NAALADL2: variants seen among roughly 807,000 people sequenced by gnomAD.
NAALADL2 encodes the protein N-acetylated alpha-linked acidic dipeptidase like 2.
In NAALADL2, 76 loss-of-function variants were observed where a neutral mutation model predicts 87.2. That is an observed-to-expected ratio of 0.87 (90% CI 0.72 to 1.05). The LOEUF is 1.05. NAALADL2 is among the 50% of genes least tolerant of loss of function. NAALADL2 has a pLI of 0.00. For missense variants in NAALADL2, 1,089 were observed against 945.8 expected (o/e 1.15, Z -1.99); for synonymous variants, 354 against 331.0 (o/e 1.07, Z -0.75).
chr3:175,462,564 A>T (rs1054663576), intron 6 of NAALADL2, among the ~76,000 whole-genome samples: 2 of 152,152 alleles, frequency 1.3e-5, no homozygotes, highest in Admixed American at 1.3e-4. Flanking sequence ...CAAATGTGCC[A>T]TGCTCTGCCC....
At chr3:175,618,032 G>A (rs1725586462) in intron 10 of NAALADL2, among the ~76,000 whole-genome samples, 1 of 152,152 alleles carries the variant, frequency 6.6e-6, no homozygotes, top group Non-Finnish European at 1.5e-5. Context: ...CACTATATGA[G>A]ATAAAAAACT....
rs569984217 is a variant in NAALADL2 at position 175,314,313 on chromosome 3, G to A, written c.940-9862G>A. On this transcript the variant is annotated intron_variant, in intron 4 of 13. Coordinates refer to ENST00000454872, the MANE Select transcript of NAALADL2 (RefSeq NM_207015.3). ...TATGGAATCAGCCACCTTGCAGTTG[G>A]CCAAAAATATTTTATTTATAAAAAT... 5.2e-4 allele frequency among the ~76,000 whole-genome samples: 78 copies of A among 151,232 alleles called. 1 individual carries two copies. The highest frequency in any genetic ancestry group is 1.8e-3 in the African/African-American group (74 of 41,290).
intron 5 of NAALADL2, among the ~76,000 whole-genome samples, chr3:175,379,095 G>A (rs1259248616): frequency 6.6e-6 from 1 of 151,988 alleles, no homozygotes; most frequent in Admixed American, 6.6e-5. Flanking sequence ...GATTAAGTGT[G>A]AATTTTGTGG....
intron 10 of NAALADL2, among the ~76,000 whole-genome samples, chr3:175,589,654 C>T (rs975793776): frequency 6.6e-6 from 1 of 151,644 alleles, no homozygotes; most frequent in Non-Finnish European, 1.5e-5. Flanking sequence ...ATTAAGTTTG[C>T]CTGCATTGTT....
At chr3:174,992,463 T>C (rs1223607879) in intron 1 of NAALADL2, among the ~76,000 whole-genome samples, 2 of 152,136 alleles carry the variant, frequency 1.3e-5, no homozygotes, top group African/African-American at 4.8e-5. Flanking sequence ...ATATCTATTA[T>C]TAGGTAAGAT....
intron 2 of NAALADL2, among the ~76,000 whole-genome samples, chr3:174,735,492 T>G (rs73048134): frequency 1.7e-3 from 262 of 152,282 alleles, no homozygotes; most frequent in African/African-American, 6.0e-3. Context: ...CTTCCTTTGT[T>G]TAATCCTTTT....
intron 11 of NAALADL2, among the ~76,000 whole-genome samples, chr3:175,672,431 G>A (rs1394712749): frequency 3.3e-5 from 5 of 152,276 alleles, no homozygotes; most frequent in African/African-American, 4.8e-5. Flanking sequence ...GTGCCGTTAC[G>A]TGAAAATACC....
At chr3:175,095,054 A>G (rs1267928712) in intron 1 of NAALADL2, among the ~76,000 whole-genome samples, 1 of 151,844 alleles carries the variant, frequency 6.6e-6, no homozygotes, top group African/African-American at 2.4e-5. Flanking sequence ...TTTTTGACCA[A>G]TGTCACCTTT....
intron 3 of NAALADL2, among the ~76,000 whole-genome samples, chr3:174,799,820 C>G (rs1485354141): frequency 6.6e-6 from 1 of 152,042 alleles, no homozygotes; most frequent in Non-Finnish European, 1.5e-5. Context: ...TGACCAAAAG[C>G]CTGATAGTGA....
rs1553916905 is a variant in NAALADL2 at position 175,013,301 on chromosome 3, A to ATATATT, written c.44-83488_44-83487insATATTT. Among the ~76,000 whole-genome samples the ATATATT allele has an allele frequency of 5.3e-4, 38 of 72,064 alleles. No individual in the cohort carries two copies. The East Asian group carries it at 6.7e-3, about 13-fold the overall frequency. 47.3% of individuals were successfully genotyped at this position (72,064 alleles called of 152,430 possible). On this transcript the variant is annotated intron_variant, in intron 1 of 13. Transcript: ENST00000454872. ...TACATATATATATATATATATATATATTTTTTTTTTTTTTTGAGACAGGGT... is the reference window on the plus strand; with the variant it reads ...TACATATATATATATATATATATATATATATTTTTTTTTTTTTTTTTGAGACAGGGT...
At chr3:175,108,027 C>A (rs1355401967) in intron 2 of NAALADL2, among the ~76,000 whole-genome samples, 6 of 151,702 alleles carry the variant, frequency 4.0e-5, no homozygotes, top group Admixed American at 6.6e-5. Flanking sequence ...ATTTTATATG[C>A]CTGATTTGGG....
intron 1 of NAALADL2, among the ~76,000 whole-genome samples, chr3:174,543,169 G>A (rs768048035): frequency 2.0e-5 from 3 of 152,272 alleles, no homozygotes; most frequent in African/African-American, 2.4e-5. Context: ...AAACCTAGGC[G>A]ATGGACTGTT....
intron 2 of NAALADL2, among the ~76,000 whole-genome samples, chr3:175,145,182 C>G (rs1252449402): frequency 2.0e-5 from 3 of 152,000 alleles, no homozygotes; most frequent in Non-Finnish European, 2.9e-5. Context: ...CAAAATTTCC[C>G]TAGTGAATAC....
chr3:175,696,475 G>A (rs531084427), intron 11 of NAALADL2, among the ~76,000 whole-genome samples: 1 of 152,128 alleles, frequency 6.6e-6, no homozygotes, highest in African/African-American at 2.4e-5. Flanking sequence ...TGAGATGATT[G>A]ACACTCCACA....
chr3:174,904,382 C>T (rs1732727402), intron 1 of NAALADL2, among the ~76,000 whole-genome samples: 3 of 151,760 alleles, frequency 2.0e-5, no homozygotes, highest in Admixed American at 6.6e-5. Context: ...GTTAAATCAC[C>T]TTTATTTATC....
At position 175,471,399 on chromosome 3, in the gene NAALADL2, C is replaced by T. The variant is rs943170038; in HGVS notation, c.1534-240C>T. Among the ~76,000 whole-genome samples, 4 of 148,726 alleles carry T rather than the reference C, an allele frequency of 2.7e-5. No individual in the cohort carries two copies. In the South Asian group the frequency reaches 8.5e-4, roughly 31 times the overall value. On this transcript the variant is annotated intron_variant, in intron 8 of 13. Transcript: ENST00000454872. ...CTGAGGCAGGAGAATGGCGTGAACC[C>T]GGGAGGTGAAACTTGCAGTGAGCTG...
In NAALADL2 at chr3:174,829,597, G is replaced by A. The variant is rs1391330194; in HGVS notation, c.-9+91851G>A. Among the ~76,000 whole-genome samples the A allele has an allele frequency of 9.9e-3, 1,395 of 141,408 alleles. 23 individuals carry two copies. Among genetic ancestry groups the A allele is most frequent in the African/African-American group, 0.037 (1,333 of 36,380 alleles). 92.8% of individuals were successfully genotyped at this position (141,408 alleles called of 152,430 possible). A position where few individuals can be genotyped will look rare whatever the true frequency, so the allele number is the denominator to read the frequency against. On this transcript the variant is annotated intron_variant, in intron 3 of 3. Transcript: ENST00000434257. ...ACATACGTGTGCATGTGTCTTTATAGCAGCATGATTTATAGTCCTTTGGGC... is the reference window on the plus strand; with the variant it reads ...ACATACGTGTGCATGTGTCTTTATAACAGCATGATTTATAGTCCTTTGGGC...
Position 175,736,078 on chromosome 3 carries a change from T to TGA in NAALADL2, c.1897-1215_1897-1214dup, listed in dbSNP as rs560285067. The stretch of plus-strand genomic sequence containing the variant: ...CAGGTAAATATTTAAATATCACTTA[T>TGA]GAGAGAGAGAGAGATAACAATGGCA... On this transcript the variant is annotated intron_variant, in intron 11 of 13. Coordinates refer to ENST00000454872, the MANE Select transcript of NAALADL2 (RefSeq NM_207015.3). 4.4e-3 allele frequency among the ~76,000 whole-genome samples: 664 copies of TGA among 151,928 alleles called. 8 individuals are homozygous for TGA. The highest frequency in any genetic ancestry group is 0.015 in the African/African-American group (622 of 41,426).
In NAALADL2 at chr3:175,261,913, C is replaced by T. The variant is rs148174207; in HGVS notation, c.939+5383C>T. Among the ~76,000 whole-genome samples, 292 of 152,112 alleles carry T rather than the reference C, an allele frequency of 1.9e-3. 1 individual carries two copies. The highest frequency in any genetic ancestry group is 6.7e-3 in the African/African-American group (278 of 41,510). On this transcript the variant is annotated intron_variant, in intron 4 of 13. Transcript: ENST00000454872. ...AGTCCATAAAGCATGCTTAGACAGA[C>T]AAGCCTTTGGAAAGAGCCTGGAGGA...
Sources: gnomAD v4.1 joint callset for allele counts (sites outside exome capture counted in the v4.1 genomes callset) on GRCh38, gnomAD v4.1.1 for gene constraint, MANE v1.5 for transcripts, NCBI Gene and HGNC (gene_info 2026-07-23, HGNC 2026-07-21) for gene names.